SNRK: variants seen among roughly 807,000 people sequenced by gnomAD.
SNRK encodes the protein SNF related kinase, also known as SNF-related serine/threonine-protein kinase.
Under a neutral mutation model 48.2 loss-of-function variants are expected in SNRK, and 3 were observed. The observed-to-expected ratio is 0.06, with a 90% confidence interval of 0.03 to 0.16. The LOEUF is 0.16. SNRK is among the 10% of genes least tolerant of loss of function. The pLI is 1.00. For synonymous variants in SNRK, 376 were observed against 366.1 expected (o/e 1.03, Z -0.31); for missense variants, 627 against 976.0 (o/e 0.64, Z 4.76).
intron 3 of SNRK, among the ~76,000 whole-genome samples, chr3:43,322,566 A>C (rs1484024674): frequency 6.6e-6 from 1 of 152,226 alleles, no homozygotes; most frequent in African/African-American, 2.4e-5. Context: ...TTTATTAAAG[A>C]AGTTATGTAA....
intron 3 of SNRK, among the ~76,000 whole-genome samples, chr3:43,309,622 T>TC (rs921362953): frequency 2.6e-5 from 4 of 151,312 alleles, no homozygotes; most frequent in Non-Finnish European, 5.9e-5. Context: ...GTTTTTTTTT[T>TC]TTTTTATTCT....
intron 4 of SNRK, among the ~76,000 whole-genome samples, chr3:43,335,503 C>G (rs1374836771): frequency 6.6e-6 from 1 of 152,086 alleles, no homozygotes; most frequent in African/African-American, 2.4e-5. Context: ...TGCTTATGGC[C>G]TAGCATAAGG....
chr3:43,343,018 CACAA>C (rs1372865093), intron 5 of SNRK, among the ~76,000 whole-genome samples: 3 of 147,932 alleles, frequency 2.0e-5, no homozygotes, highest in African/African-American at 7.5e-5. Flanking sequence ...ACACTGTACA[CACAA>C]ATTCAAATTT....
intron 3 of SNRK, among the ~76,000 whole-genome samples, chr3:43,331,966 GT>G (rs2091149831): frequency 6.6e-6 from 1 of 152,180 alleles, no homozygotes; most frequent in African/African-American, 2.4e-5. Context: ...ACCATTCACT[GT>G]GTACTAGCAA....
intron 1 of SNRK, among the ~76,000 whole-genome samples, chr3:43,287,504 A>G (rs905471776): frequency 5.9e-5 from 9 of 152,130 alleles, no homozygotes; most frequent in Non-Finnish European, 1.3e-4. Flanking sequence ...GGAGTTCCTA[A>G]ATCTATAGAG....
In SNRK at chr3:43,332,281, A is replaced by T. The variant is rs750277487; in HGVS notation, c.702A>T (p.Val234=). ...TGATCATGGATTGCAAATATACAGT[A>T]CCATCCCATGTGTCTAAAGAGTGTA... ...LTMIMDCKYT[V]PSHVSKECKD... The change falls in exon 4 of 7, where the codon GTA becomes GTT. Residue 234 remains valine (V), a synonymous_variant. Coordinates refer to ENST00000296088, the MANE Select transcript of SNRK (RefSeq NM_017719.5). The T allele has an allele frequency of 6.3e-7, 1 of 1,577,840 alleles. No homozygotes were observed. Among genetic ancestry groups the T allele is most frequent in the South Asian group, 1.2e-5 (1 of 83,294 alleles).
intron 3 of SNRK, among the ~76,000 whole-genome samples, chr3:43,319,332 A>G (rs1009931030): frequency 1.3e-5 from 2 of 152,186 alleles, no homozygotes; most frequent in African/African-American, 4.8e-5. Flanking sequence ...AAACATTACA[A>G]GTTCTCAGCC....
rs769904264 is a variant in SNRK, at chr3:43,347,538, G to A, written c.1279G>A (p.Val427Met). ...PELAGPALST[V>M]PPASLKPTAS... is the part of the protein sequence containing the mutation. Reference sequence around the variant, plus strand: ...GTTGGCTGGACCAGCACTCTCTACGGTGCCACCCGCAAGCTTAAAACCCAC... The same window carrying A: ...GTTGGCTGGACCAGCACTCTCTACGATGCCACCCGCAAGCTTAAAACCCAC... Residue 427 changes from valine to methionine, a missense_variant, in exon 7 of 7, where the codon GTG (valine) becomes ATG (methionine). Coordinates refer to ENST00000296088, the MANE Select transcript of SNRK (RefSeq NM_017719.5). This position sits in a 1 kb window ranked among gnomAD's most constrained non-coding sequence, Gnocchi z 5.4. The A allele has an allele frequency of 1.9e-6, 3 of 1,613,610 alleles. No individual in the cohort carries two copies. In the East Asian group the frequency reaches 6.7e-5, roughly 36 times the overall value.
chr3:43,339,661 C>A (rs539932086), intron 4 of SNRK, among the ~76,000 whole-genome samples: 6 of 150,916 alleles, frequency 4.0e-5, no homozygotes, highest in Non-Finnish European at 8.9e-5. Flanking sequence ...ACCAAAAATA[C>A]AAAACTTAGC....
chr3:43,291,216 T>C (rs1273174184), intron 1 of SNRK, among the ~76,000 whole-genome samples: 2 of 152,206 alleles, frequency 1.3e-5, no homozygotes, highest in Admixed American at 6.5e-5. Flanking sequence ...TGGGCCTCTT[T>C]CCTGAAAAGC....
chr3:43,302,880 TC>T (rs1459120119), intron 2 of SNRK, among the ~76,000 whole-genome samples: 1 of 152,128 alleles, frequency 6.6e-6, no homozygotes, highest in African/African-American at 2.4e-5. Context: ...AATTTTTTTT[TC>T]AGTTTGCAAA....
At chr3:43,324,508 C>CAAAA (rs11299310) in intron 3 of SNRK, among the ~76,000 whole-genome samples, 1 of 96,446 alleles carries the variant, frequency 1.0e-5, no homozygotes, top group Non-Finnish European at 2.3e-5. Context: ...GACTCTGTCT[C>CAAAA]AAAAAAAAAA....
intron 1 of SNRK, among the ~76,000 whole-genome samples, chr3:43,291,875 C>T (rs1165827015): frequency 5.9e-5 from 9 of 152,216 alleles, no homozygotes; most frequent in African/African-American, 9.7e-5. Flanking sequence ...GATGTTCCCT[C>T]GCCCCCAGGC....
intron 1 of SNRK, among the ~76,000 whole-genome samples, chr3:43,298,258 G>T (rs2090871678): frequency 6.6e-6 from 1 of 152,198 alleles, no homozygotes; most frequent in South Asian, 2.1e-4. Context: ...AAATGCAGTT[G>T]TTGGTCTTTA....
intron 3 of SNRK, among the ~76,000 whole-genome samples, chr3:43,309,993 T>A (rs191491913): frequency 3.1e-4 from 47 of 152,308 alleles, no homozygotes; most frequent in African/African-American, 1.1e-3. Flanking sequence ...TTTAATAGAC[T>A]ACGGTATAGT....
intron 5 of SNRK, among the ~76,000 whole-genome samples, chr3:43,341,602 A>G (rs900961274): frequency 6.6e-6 from 1 of 152,252 alleles, no homozygotes; most frequent in Non-Finnish European, 1.5e-5. Context: ...AAGTTATTTA[A>G]TTTGTTGAAT....
At position 43,348,241 on chromosome 3, in the gene SNRK, G is replaced by T; in HGVS notation, c.1982G>T (p.Ser661Ile). ...SLCLGSQLHG[S>I]TKYIIDPQNG... ...TGCCTCGGCTCCCAGCTTCATGGGA[G>T]CACCAAGTACATTATTGATCCACAG... The change falls in exon 7 of 7, where the codon AGC (serine) becomes ATC (isoleucine). Residue 661 changes from serine to isoleucine, a missense_variant. Transcript: ENST00000296088. 2 of 1,613,834 alleles carry T rather than the reference G, an allele frequency of 1.2e-6. No homozygotes were observed. Among genetic ancestry groups the T allele is most frequent in the Non-Finnish European group, 1.7e-6 (2 of 1,179,848 alleles).
intron 1 of SNRK, among the ~76,000 whole-genome samples, chr3:43,296,091 G>A (rs867659751): frequency 2.0e-5 from 3 of 152,090 alleles, no homozygotes; most frequent in Non-Finnish European, 4.4e-5. Context: ...GCATGATAGG[G>A]TTGTGTTTAT....
intron 4 of SNRK, among the ~76,000 whole-genome samples, chr3:43,334,977 CT>C (rs2091175572): frequency 1.8e-5 from 1 of 54,176 alleles, no homozygotes; most frequent in Non-Finnish European, 1.1e-4. Flanking sequence ...TAATTTGTGC[CT>C]TATCTTTTTT....
Sources: allele counts gnomAD v4.1 joint callset (sites outside exome capture counted in the v4.1 genomes callset), GRCh38; gene constraint gnomAD v4.1.1; non-coding constraint Gnocchi (gnomAD v3.1); transcripts MANE v1.5; gene names NCBI Gene and HGNC (gene_info 2026-07-23, HGNC 2026-07-21).